The following KLHL32 variants were observed in gnomAD, a reference collection of about 807,000 sequenced individuals.
The protein encoded by KLHL32 is kelch like family member 32, also known as kelch-like protein 32.
KLHL32 carries 35 observed loss-of-function variants against 64.8 expected under a neutral mutation model. That is an observed-to-expected ratio of 0.54 (90% CI 0.41 to 0.72). The LOEUF is 0.72. Among genes scored for constraint, KLHL32 ranks in the 30% least tolerant of loss-of-function variants. KLHL32 has a pLI of 0.00. For missense variants in KLHL32, 589 were observed against 768.5 expected, an observed-to-expected ratio of 0.77 and a Z score of 2.76; for synonymous variants, 259 against 281.0, an observed-to-expected ratio of 0.92 and a Z score of 0.78.
At chr6:96,974,600 C>A (rs1554208597) in intron 2 of KLHL32, among the ~76,000 whole-genome samples, 1 of 152,180 alleles carries the variant, frequency 6.6e-6, no homozygotes, top group Non-Finnish European at 1.5e-5. Context: ...CAAGTTTTTT[C>A]TTTCCATATT....
chr6:96,987,689 C>G (rs1395288094), intron 3 of KLHL32, among the ~76,000 whole-genome samples: 2 of 152,168 alleles, frequency 1.3e-5, no homozygotes, highest in African/African-American at 4.8e-5. Context: ...ATCACGCTAC[C>G]TGACTTCAAA....
Position 97,085,360 on chromosome 6 carries a change from G to A in KLHL32, c.627+19G>A, listed in dbSNP as rs756282562. The A allele has an allele frequency of 1.2e-6, 2 of 1,606,260 alleles. No individual in the cohort carries two copies. The highest frequency in any genetic ancestry group is 1.7e-6 in the Non-Finnish European group (2 of 1,174,876). On this transcript the variant is annotated intron_variant, in intron 6 of 10. Coordinates refer to ENST00000369261, the MANE Select transcript of KLHL32 (RefSeq NM_052904.4). Reference sequence around the variant, plus strand: ...CTGGCAGGTAAGGGCGCTGTGCACGGTCGCTTTTGGCACTGAAAAAGCATG... The same window carrying A: ...CTGGCAGGTAAGGGCGCTGTGCACGATCGCTTTTGGCACTGAAAAAGCATG...
At chr6:97,115,648 A>G (rs1164926287) in intron 7 of KLHL32, among the ~76,000 whole-genome samples, 1 of 152,144 alleles carries the variant, frequency 6.6e-6, no homozygotes, top group African/African-American at 2.4e-5. Context: ...TCACATTATA[A>G]ACATGTGTTT....
At chr6:97,129,186 A>C (rs536122840) in intron 8 of KLHL32, among the ~76,000 whole-genome samples, 9 of 152,332 alleles carry the variant, frequency 5.9e-5, no homozygotes, top group African/African-American at 1.7e-4. Flanking sequence ...TATGCCTATT[A>C]GTGAGTGGAC....
chr6:97,014,898 C>T (rs573461143), intron 3 of KLHL32, among the ~76,000 whole-genome samples: 2 of 152,298 alleles, frequency 1.3e-5, no homozygotes, highest in African/African-American at 4.8e-5. Flanking sequence ...AATCTCATCT[C>T]GAATTTTAAT....
At chr6:96,948,370 A>G (rs1257396971) in intron 1 of KLHL32, among the ~76,000 whole-genome samples, 3 of 152,260 alleles carry the variant, frequency 2.0e-5, no homozygotes, top group Non-Finnish European at 4.4e-5. Flanking sequence ...ACATTTCTCC[A>G]GAGAGACCAA....
At chr6:96,975,916 C>T (rs1284732604) in intron 2 of KLHL32, 81 bp from the exon 3 acceptor site, 8 of 1,170,764 alleles carry the variant, frequency 6.8e-6, no homozygotes, top group South Asian at 1.8e-5. Context: ...TTGCCTCAGT[C>T]GATGTTCAAG....
intron 1 of KLHL32, among the ~76,000 whole-genome samples, chr6:96,961,762 A>T (rs1216819836): frequency 6.6e-6 from 1 of 152,178 alleles, no homozygotes; most frequent in Non-Finnish European, 1.5e-5. Flanking sequence ...ATGGTTCTTC[A>T]TAGGATATAT....
chr6:96,968,889 G>A (rs1774797652), intron 2 of KLHL32, among the ~76,000 whole-genome samples: 1 of 152,164 alleles, frequency 6.6e-6, no homozygotes, highest in African/African-American at 2.4e-5. Context: ...TAGAGAGAGT[G>A]TCATCCTCCT....
chr6:96,992,450 C>T (rs1777992620), intron 3 of KLHL32, among the ~76,000 whole-genome samples: 1 of 152,240 alleles, frequency 6.6e-6, no homozygotes, highest in African/African-American at 2.4e-5. Flanking sequence ...CTAATGTTTA[C>T]TCACTACTCT....
intron 3 of KLHL32, among the ~76,000 whole-genome samples, chr6:96,984,587 T>G (rs895764975): frequency 2.0e-5 from 3 of 152,204 alleles, no homozygotes; most frequent in Admixed American, 6.5e-5. Flanking sequence ...ATATTTAGGA[T>G]AGTTAGCTCT....
At chr6:97,019,840 C>T (rs1383130480) in intron 3 of KLHL32, among the ~76,000 whole-genome samples, 4 of 151,886 alleles carry the variant, frequency 2.6e-5, no homozygotes, top group African/African-American at 4.8e-5. Flanking sequence ...AGTGCAGTGG[C>T]GCGATCTTGG....
At chr6:97,027,640 G>A (rs1240510456) in intron 3 of KLHL32, among the ~76,000 whole-genome samples, 1 of 152,144 alleles carries the variant, frequency 6.6e-6, no homozygotes, top group East Asian at 1.9e-4. Context: ...CACAAGCTTA[G>A]GATGATTTAC....
intron 3 of KLHL32, among the ~76,000 whole-genome samples, chr6:97,040,251 A>G (rs1265239736): frequency 2.0e-5 from 3 of 152,132 alleles, no homozygotes; most frequent in African/African-American, 7.2e-5. Flanking sequence ...AACAAAATTG[A>G]ATTCTCTTTA....
At chr6:96,978,652 C>A (rs533137933) in intron 3 of KLHL32, among the ~76,000 whole-genome samples, 1 of 152,250 alleles carries the variant, frequency 6.6e-6, no homozygotes, top group African/African-American at 2.4e-5. Flanking sequence ...TACTTTAGGT[C>A]TATACCCAGT....
intron 7 of KLHL32, among the ~76,000 whole-genome samples, chr6:97,121,087 A>C (rs1206152): frequency 0.57 from 87,089 of 152,080 alleles, 26,584 homozygotes; most frequent in African/African-American, 0.79. Context: ...AACTGTCTTA[A>C]CTGTATCCCG....
chr6:97,041,728 A>G (rs1785149319), intron 4 of KLHL32, 129 bp downstream of exon 4: 2 of 576,382 alleles, frequency 3.5e-6, no homozygotes, highest in Non-Finnish European at 6.1e-6. Flanking sequence ...TAAGATTCAC[A>G]TCCTCTTAAT....
At position 97,056,352 on chromosome 6, in the gene KLHL32, G is replaced by C. The variant is rs905901995; in HGVS notation, c.313-8276G>C. Among the ~76,000 whole-genome samples, 4 of 151,964 alleles carry C rather than the reference G, an allele frequency of 2.6e-5. No homozygotes were observed. In the East Asian group the frequency reaches 7.7e-4, roughly 29 times the overall value. ...GATCTCCTGACCTCGTGATCCTCCC[G>C]CCTTGGCCTCCCAAAGTGCTGGGAT... On this transcript the variant is annotated intron_variant, in intron 4 of 10. Transcript: ENST00000369261.
At chr6:97,111,274 A>G (rs925355405) in intron 6 of KLHL32, among the ~76,000 whole-genome samples, 2 of 152,248 alleles carry the variant, frequency 1.3e-5, no homozygotes, top group Non-Finnish European at 2.9e-5. Context: ...AGCTCAGAAG[A>G]AAGTCTGAGG....
Sources: allele counts gnomAD v4.1 joint callset (sites outside exome capture counted in the v4.1 genomes callset), GRCh38; gene constraint gnomAD v4.1.1; transcripts MANE v1.5; gene names NCBI Gene and HGNC (gene_info 2026-07-23, HGNC 2026-07-21).